The following VAMP4 variants were observed in gnomAD, a reference collection of about 807,000 sequenced individuals.
VAMP4 encodes vesicle associated membrane protein 4, also known as vesicle-associated membrane protein 4.
VAMP4 carries 19 observed loss-of-function variants against 23.5 expected under a neutral mutation model. The ratio of observed to expected loss-of-function variants is 0.81; its 90% CI spans 0.56 to 1.19. VAMP4 has a LOEUF of 1.19. VAMP4 is among the 50% of genes most tolerant of loss of function. The pLI, the probability that VAMP4 is intolerant of heterozygous loss-of-function variation, is 0.00. For synonymous variants in VAMP4, 31 were observed against 51.0 expected, an observed-to-expected ratio of 0.61 and a Z score of 1.67; for missense variants, 145 against 168.6, an observed-to-expected ratio of 0.86 and a Z score of 0.78.
chr1:171,728,569 C>T lies in VAMP4; in HGVS notation c.68G>A (p.Arg23Lys), dbSNP rs1242626137. The stretch of plus-strand genomic sequence containing the variant: ...ATCTGAATCATCTTCCAAAAGATTT[C>T]TCTGTCAAAAAAAGAAAAAGACTTG... ...DVTGSVKSERRNLLEDDSDEE... is the reference protein window; with the variant it reads ...DVTGSVKSERKNLLEDDSDEE... The change falls in exon 3 of 8, where the codon AGA becomes AAA. Residue 23 changes from arginine to lysine, a missense_variant and splice_region_variant. Arg to Lys is a conservative substitution (Grantham distance 26). Coordinates refer to ENST00000236192, the MANE Select transcript of VAMP4 (RefSeq NM_003762.5). 2.6e-6 allele frequency: 4 copies of T among 1,555,402 alleles called. No individual in the cohort carries two copies.
chr1:171,728,190 C>T (rs1386969354), intron 3 of VAMP4, among the ~76,000 whole-genome samples: 1 of 152,206 alleles, frequency 6.6e-6, no homozygotes, highest in Non-Finnish European at 1.5e-5. Context: ...CTTTGTCCCA[C>T]CTGAAATGTG....
chr1:171,722,305 G>A (rs541153452), intron 3 of VAMP4, among the ~76,000 whole-genome samples: 76 of 152,242 alleles, frequency 5.0e-4, no homozygotes, highest in Middle Eastern at 3.4e-3. Context: ...AAAAACCCTA[G>A]AAGAAAACCT....
intron 3 of VAMP4, among the ~76,000 whole-genome samples, chr1:171,726,608 G>A (rs2124860043): frequency 6.6e-6 from 1 of 152,210 alleles, no homozygotes; most frequent in East Asian, 1.9e-4. Flanking sequence ...ACAGTTGGAT[G>A]GCCATATTCC....
At chr1:171,733,639 CAATG>C (rs1287321947) in intron 2 of VAMP4, among the ~76,000 whole-genome samples, 1 of 152,038 alleles carries the variant, frequency 6.6e-6, no homozygotes, top group African/African-American at 2.4e-5. Context: ...TAATAGGACA[CAATG>C]AGATAATATT....
rs1330620854 is a variant in VAMP4, at chr1:171,703,425, G to GTGTC, written c.*1080_*1081insGACA. On this transcript the variant is annotated 3_prime_UTR_variant, in exon 8 of 8. Coordinates refer to ENST00000236192, the MANE Select transcript of VAMP4 (RefSeq NM_003762.5). The stretch of plus-strand genomic sequence containing the variant: ...TGTGTGTGTGTGTGTGTGTTTGTGT[G>GTGTC]TATATATATATATATATATATATAT... 3 of 80,676 alleles carry GTGTC rather than the reference G, an allele frequency of 3.7e-5. No homozygotes were observed. Among genetic ancestry groups the GTGTC allele is most frequent in the African/African-American group, 1.4e-4 (3 of 20,924 alleles). The allele number at this position is 80,676 out of a possible 1,614,324, so 5.0% of individuals were successfully genotyped here. A position where few individuals can be genotyped will look rare whatever the true frequency, so the allele number is the denominator to read the frequency against.
At position 171,701,263 on chromosome 1, in the gene VAMP4, T is replaced by C. The variant is rs1332019895; in HGVS notation, c.*3243A>G. 1 of 152,174 alleles carries C rather than the reference T, an allele frequency of 6.6e-6. No individual in the cohort carries two copies. Among genetic ancestry groups the C allele is most frequent in the Non-Finnish European group, 1.5e-5 (1 of 68,018 alleles). 9.4% of individuals were successfully genotyped at this position (152,174 alleles called of 1,614,324 possible). On this transcript the variant is annotated 3_prime_UTR_variant, in exon 8 of 8. Coordinates refer to ENST00000236192, the MANE Select transcript of VAMP4 (RefSeq NM_003762.5). ...TTCCATGTGAAAACACAAAATTAGGTTAACAGAACAGTCATCCTTGACATA... is the reference window on the plus strand; with the variant it reads ...TTCCATGTGAAAACACAAAATTAGGCTAACAGAACAGTCATCCTTGACATA...
intron 2 of VAMP4, among the ~76,000 whole-genome samples, chr1:171,730,284 C>T (rs1000954883): frequency 6.6e-6 from 1 of 151,956 alleles, no homozygotes; most frequent in East Asian, 1.9e-4. Flanking sequence ...GGAATTACAC[C>T]AGCCAAAAAG....
chr1:171,710,378 T>G lies in VAMP4; in HGVS notation c.265+336A>C, dbSNP rs374590619. Among the ~76,000 whole-genome samples the G allele has an allele frequency of 7.2e-5, 11 of 151,994 alleles. 1 individual carries two copies. The highest frequency in any genetic ancestry group is 2.0e-4 in the Admixed American group (3 of 15,252). ...CATAAAATAAAAATAGCAGATAAGT[T>G]TGAAACAAGTGTTGAAAAGTGAGTA... On this transcript the variant is annotated intron_variant, in intron 5 of 7. Transcript: ENST00000236192.
At chr1:171,720,414 T>C (rs1655153630) in intron 3 of VAMP4, among the ~76,000 whole-genome samples, 2 of 151,964 alleles carry the variant, frequency 1.3e-5, no homozygotes, top group South Asian at 4.1e-4. Context: ...ACATGAGACT[T>C]CAAAATACTT....
At position 171,703,630 on chromosome 1, in the gene VAMP4, T is replaced by C. The variant is rs1433956938; in HGVS notation, c.*876A>G. 6.6e-6 allele frequency: 1 copy of C among 151,740 alleles called. No individual in the cohort carries two copies. Among genetic ancestry groups the C allele is most frequent in the African/African-American group, 2.4e-5 (1 of 41,240 alleles). 9.4% of individuals were successfully genotyped at this position (151,740 alleles called of 1,614,324 possible). On this transcript the variant is annotated 3_prime_UTR_variant, in exon 8 of 8. Transcript: ENST00000236192. Reference sequence around the variant, plus strand: ...CTTTTTGTACTTTTGGTAAATGAGATAGTTGGAAGTTAGAGGCTATTAACT... The same window carrying C: ...CTTTTTGTACTTTTGGTAAATGAGACAGTTGGAAGTTAGAGGCTATTAACT...
chr1:171,729,973 A>G (rs1466143755), intron 2 of VAMP4, among the ~76,000 whole-genome samples: 1 of 152,194 alleles, frequency 6.6e-6, no homozygotes, highest in Non-Finnish European at 1.5e-5. Context: ...AGACAGACAG[A>G]CAGAGACAGA....
chr1:171,729,265 G>C (rs1655481488), intron 2 of VAMP4, among the ~76,000 whole-genome samples: 1 of 152,112 alleles, frequency 6.6e-6, no homozygotes, highest in Non-Finnish European at 1.5e-5. Context: ...TATCCTAAAT[G>C]CTTGGGACCA....
At chr1:171,720,334 C>T (rs1369754942) in intron 3 of VAMP4, among the ~76,000 whole-genome samples, 1 of 151,758 alleles carries the variant, frequency 6.6e-6, no homozygotes, top group African/African-American at 2.4e-5. Context: ...CTGAAAAGTA[C>T]TGAATTAAAA....
chr1:171,736,269 A>C (rs138236572), intron 2 of VAMP4, among the ~76,000 whole-genome samples: 172 of 152,280 alleles, frequency 1.1e-3, no homozygotes, highest in African/African-American at 3.9e-3. Context: ...TTTTTCTTGG[A>C]GGTTTATCTT....
chr1:171,735,089 T>A lies in VAMP4; in HGVS notation c.66+3260A>T, dbSNP rs549822654. ...TCTCAGGATTATGACCAACATGCCA[T>A]GAAACTGTGATCCTAGTATATCACG... is the stretch of plus-strand genomic sequence containing the variant. On this transcript the variant is annotated intron_variant, in intron 2 of 7. Coordinates refer to ENST00000236192, the MANE Select transcript of VAMP4 (RefSeq NM_003762.5). Among the ~76,000 whole-genome samples the A allele has an allele frequency of 2.6e-5, 4 of 152,272 alleles. No individual in the cohort carries two copies. The South Asian group carries it at 8.3e-4, about 32-fold the overall frequency.
chr1:171,726,301 C>T (rs771088684), intron 3 of VAMP4, among the ~76,000 whole-genome samples: 3 of 152,162 alleles, frequency 2.0e-5, no homozygotes, highest in Admixed American at 6.5e-5. Flanking sequence ...CCGCCCGCCT[C>T]GGCCTCCCAA....
At chr1:171,740,411 G>A (rs1655888980) in intron 1 of VAMP4, among the ~76,000 whole-genome samples, 1 of 152,166 alleles carries the variant, frequency 6.6e-6, no homozygotes, top group African/African-American at 2.4e-5. Flanking sequence ...CTGGCTTCAC[G>A]AACCAAATAA....
At chr1:171,736,879 G>T (rs1655759626) in intron 2 of VAMP4, among the ~76,000 whole-genome samples, 1 of 152,102 alleles carries the variant, frequency 6.6e-6, no homozygotes, top group African/African-American at 2.4e-5. Context: ...CAGGAGGCTG[G>T]GGTGGGAGGA....
intron 3 of VAMP4, among the ~76,000 whole-genome samples, chr1:171,719,442 T>C (rs1372629565): frequency 1.3e-5 from 2 of 152,134 alleles, no homozygotes; most frequent in African/African-American, 4.8e-5. Flanking sequence ...ACAATTAAGC[T>C]AATTCTTCTG....
Sources: gnomAD v4.1 joint callset for allele counts (sites outside exome capture counted in the v4.1 genomes callset) on GRCh38, gnomAD v4.1.1 for gene constraint, MANE v1.5 for transcripts, NCBI Gene and HGNC (gene_info 2026-07-23, HGNC 2026-07-21) for gene names.